The following GLCCI1 variants were observed in gnomAD, a reference collection of about 807,000 sequenced individuals.
GLCCI1 encodes glucocorticoid induced 1.
GLCCI1 carries 24 observed loss-of-function variants against 52.2 expected under a neutral mutation model. The ratio of observed to expected loss-of-function variants is 0.46; its 90% confidence interval spans 0.33 to 0.65. The LOEUF (loss-of-function observed/expected upper bound fraction) is 0.65, where lower values mean the gene tolerates loss of function less well. Ranked by LOEUF, GLCCI1 falls within the 30% of genes least tolerant of loss-of-function variation. The pLI is 0.02. For missense variants in GLCCI1, 704 were observed against 701.5 expected (o/e 1.00, Z -0.04); for synonymous variants, 310 against 276.5 (o/e 1.12, Z -1.20).
chr7:8,051,861 G>T (rs190215730), intron 3 of GLCCI1, among the ~76,000 whole-genome samples: 1 of 152,302 alleles, frequency 6.6e-6, no homozygotes, highest in Non-Finnish European at 1.5e-5. Flanking sequence ...TTGTGGATAT[G>T]AATTCTTTGG....
intron 1 of GLCCI1, among the ~76,000 whole-genome samples, chr7:7,998,516 A>C (rs1308196033): frequency 1.3e-5 from 2 of 152,172 alleles, no homozygotes; most frequent in Non-Finnish European, 2.9e-5. Context: ...GTGCAGGCTC[A>C]GGAGGTAGCT....
chr7:8,042,681 C>G (rs1231081820), intron 3 of GLCCI1, among the ~76,000 whole-genome samples: 1 of 152,164 alleles, frequency 6.6e-6, no homozygotes, highest in African/African-American at 2.4e-5. Context: ...TTGCTGCAAT[C>G]TGGTGATCAA....
chr7:8,025,099 C>T (rs761554949), intron 3 of GLCCI1, among the ~76,000 whole-genome samples: 3 of 152,182 alleles, frequency 2.0e-5, no homozygotes, highest in Non-Finnish European at 1.5e-5. Flanking sequence ...AGAGGTAAGA[C>T]AGTAGTGGGA....
chr7:8,076,889 AT>A lies in GLCCI1; in HGVS notation c.1177+5763del, dbSNP rs540592281. On this transcript the variant is annotated intron_variant, in intron 6 of 7. Transcript: ENST00000223145. ...GATATGCCCATTTTTTAATGGATAT[AT>A]TTTTATAGCTATGTTGAAAATGTGT... Among the ~76,000 whole-genome samples the A allele has an allele frequency of 1.5e-4, 23 of 152,222 alleles. No individual in the cohort carries two copies. In the South Asian group the frequency reaches 4.6e-3, roughly 30 times the overall value.
chr7:8,064,507 G>A (rs1441210757), intron 5 of GLCCI1, among the ~76,000 whole-genome samples: 3 of 152,086 alleles, frequency 2.0e-5, no homozygotes, highest in Non-Finnish European at 4.4e-5. Flanking sequence ...CTATGTCCTT[G>A]TAATATAGTA....
chr7:8,085,075 G>C, intron 7 of GLCCI1, 58 bp downstream of exon 7: 1 of 1,595,004 alleles, frequency 6.3e-7, no homozygotes, highest in Non-Finnish European at 8.6e-7. Flanking sequence ...TTTTTACTGA[G>C]ACCAGTTGAT....
Position 8,007,580 on chromosome 7 carries a change from C to T in GLCCI1, c.609+3521C>T, listed in dbSNP as rs111947406. 2.2e-3 allele frequency among the ~76,000 whole-genome samples: 338 copies of T among 152,156 alleles called. 1 individual carries two copies. The highest frequency in any genetic ancestry group is 7.4e-3 in the African/African-American group (307 of 41,496). The stretch of plus-strand genomic sequence containing the variant: ...TGAACATATGAGATACTTTTTATGG[C>T]GACATCCGTTTCTCCTGGATTAACT... On this transcript the variant is annotated intron_variant, in intron 2 of 7. Transcript: ENST00000223145.
intron 1 of GLCCI1, among the ~76,000 whole-genome samples, chr7:8,000,102 A>G (rs902155830): frequency 9.8e-5 from 15 of 152,308 alleles, no homozygotes; most frequent in African/African-American, 3.6e-4. Context: ...GCTGACCTTT[A>G]TATAGGCCTT....
At chr7:8,077,776 G>C (rs1782904831) in intron 6 of GLCCI1, among the ~76,000 whole-genome samples, 2 of 152,132 alleles carry the variant, frequency 1.3e-5, no homozygotes, top group Admixed American at 1.3e-4. Flanking sequence ...AAGATATTTT[G>C]TAGGAACCTG....
intron 1 of GLCCI1, among the ~76,000 whole-genome samples, chr7:7,992,587 C>T (rs558979052): frequency 1.1e-4 from 16 of 151,960 alleles, no homozygotes; most frequent in Non-Finnish European, 1.9e-4. Context: ...ATAAGTATGT[C>T]CTTTCCGTAT....
intron 2 of GLCCI1, among the ~76,000 whole-genome samples, chr7:8,021,651 C>T (rs1184521837): frequency 6.6e-6 from 1 of 152,144 alleles, no homozygotes; most frequent in Non-Finnish European, 1.5e-5. Flanking sequence ...GATCCACCCG[C>T]CTTGGCCTCC....
At chr7:8,076,427 A>G (rs1435098232) in intron 6 of GLCCI1, among the ~76,000 whole-genome samples, 1 of 152,212 alleles carries the variant, frequency 6.6e-6, no homozygotes, top group Non-Finnish European at 1.5e-5. Context: ...AAATTGATCT[A>G]TTCTAGAATT....
intron 6 of GLCCI1, among the ~76,000 whole-genome samples, chr7:8,082,730 G>A (rs1270593482): frequency 6.6e-6 from 1 of 152,128 alleles, no homozygotes; most frequent in Non-Finnish European, 1.5e-5. Context: ...GTTAAAAGAT[G>A]CACTTACAGC....
chr7:8,023,117 G>A (rs1234878111), intron 3 of GLCCI1, among the ~76,000 whole-genome samples: 18 of 152,126 alleles, frequency 1.2e-4, no homozygotes, highest in African/African-American at 3.9e-4. Flanking sequence ...CCAGGTTCAC[G>A]CCATTCTCCT....
intron 5 of GLCCI1, among the ~76,000 whole-genome samples, chr7:8,066,599 T>G (rs1203099087): frequency 6.6e-6 from 1 of 151,384 alleles, no homozygotes; most frequent in African/African-American, 2.4e-5. Flanking sequence ...TCCCATAGTT[T>G]CAAAGAATTT....
intron 2 of GLCCI1, among the ~76,000 whole-genome samples, chr7:8,004,719 C>T (rs554870792): frequency 1.1e-4 from 16 of 152,098 alleles, no homozygotes; most frequent in Non-Finnish European, 2.4e-4. Context: ...AAAAAACCTG[C>T]AGCACAGTTA....
At chr7:8,038,135 C>G (rs1202098488) in intron 3 of GLCCI1, among the ~76,000 whole-genome samples, 4 of 152,072 alleles carry the variant, frequency 2.6e-5, no homozygotes, top group Non-Finnish European at 5.9e-5. Context: ...TCACTGATGA[C>G]AAAAGCAAAT....
chr7:8,069,856 T>C (rs1373215402), intron 5 of GLCCI1, among the ~76,000 whole-genome samples: 1 of 152,232 alleles, frequency 6.6e-6, no homozygotes, highest in Non-Finnish European at 1.5e-5. Context: ...GTAAGAGCAG[T>C]AGACACAATA....
At chr7:7,988,168 C>G (rs1780774527) in intron 1 of GLCCI1, among the ~76,000 whole-genome samples, 1 of 152,054 alleles carries the variant, frequency 6.6e-6, no homozygotes. Context: ...ACTGGAGTCT[C>G]TGTTGATAAG....
Sources: allele counts gnomAD v4.1 joint callset (sites outside exome capture counted in the v4.1 genomes callset), GRCh38; gene constraint gnomAD v4.1.1; transcripts MANE v1.5; gene names NCBI Gene and HGNC (gene_info 2026-07-23, HGNC 2026-07-21).